KDM5A: variants seen among roughly 807,000 people sequenced by gnomAD.
KDM5A encodes lysine demethylase 5A, also known as lysine-specific demethylase 5A.
Under a neutral mutation model 193.5 loss-of-function variants are expected in KDM5A, and 42 were observed. The ratio of observed to expected loss-of-function variants is 0.22; its 90% CI spans 0.17 to 0.28. KDM5A has a LOEUF of 0.28. Among genes scored for constraint, KDM5A ranks in the 10% least tolerant of loss-of-function variants. KDM5A has a pLI of 1.00. For synonymous variants in KDM5A, 796 were observed against 718.1 expected (o/e 1.11, Z -1.73); for missense variants, 1,692 against 2,055.1 (o/e 0.82, Z 3.42).
At chr12:287,449 T>TA (rs1020766384) in intron 27 of KDM5A, among the ~76,000 whole-genome samples, 1 of 127,318 alleles carries the variant, frequency 7.9e-6, no homozygotes, top group Non-Finnish European at 1.7e-5. Context: ...GTCTGTGCAA[T>TA]AAAAAAACTC....
intron 10 of KDM5A, among the ~76,000 whole-genome samples, chr12:336,711 C>A (rs1255659476): frequency 6.6e-6 from 1 of 151,676 alleles, no homozygotes; most frequent in Non-Finnish European, 1.5e-5. Flanking sequence ...CGTGGTGGTG[C>A]ATGCCTGTGG....
At position 281,865 on chromosome 12, in the gene KDM5A, C is replaced by G. The variant is rs993049256; in HGVS notation, c.*3591G>C. On this transcript the variant is annotated 3_prime_UTR_variant, in exon 28 of 28. Transcript: ENST00000399788. ...CAAGCAAGTAGTTTCTTGGCGTGCA[C>G]GAATTGCATCCAGAACCCAAAAATT... 2.5e-5 allele frequency: 7 copies of G among 275,750 alleles called. No homozygotes were observed. The highest frequency in any genetic ancestry group is 4.3e-5 in the Non-Finnish European group (6 of 140,634). The allele number at this position is 275,750 out of a possible 1,614,324, so 17.1% of individuals were successfully genotyped here.
chr12:324,780 G>A (rs1943762057), intron 14 of KDM5A, among the ~76,000 whole-genome samples: 1 of 152,096 alleles, frequency 6.6e-6, no homozygotes, highest in Admixed American at 6.6e-5. Flanking sequence ...GGCTGAGACA[G>A]GAGAATCACT....
Position 355,182 on chromosome 12 carries a change from C to G in KDM5A, c.846G>C (p.Arg282=), listed in dbSNP as rs1944216676. 6.2e-7 allele frequency: 1 copy of G among 1,610,068 alleles called. No individual in the cohort carries two copies. Among genetic ancestry groups the G allele is most frequent in the Non-Finnish European group, 8.5e-7 (1 of 1,176,280 alleles). The change falls in exon 7 of 28, where the codon CGG becomes CGC. Residue 282 remains arginine (R), a synonymous_variant. Transcript: ENST00000399788. ...SDAFNMQMRQ[R]KGTLSVNFVD... ...CAAAGTTAACAGAGAGAGTGCCTTT[C>G]CGTTGTCTCATTTGCATGTTAAATG...
intron 1 of KDM5A, chr12:387,341 T>C: frequency 3.9e-6 from 1 of 259,208 alleles, no homozygotes; most frequent in East Asian, 1.4e-4. Context: ...GAAAGCATTA[T>C]TTCAGCATTT....
At chr12:364,156 G>A (rs1315834907) in intron 4 of KDM5A, among the ~76,000 whole-genome samples, 1 of 152,134 alleles carries the variant, frequency 6.6e-6, no homozygotes, top group Non-Finnish European at 1.5e-5. Context: ...AGCCATTTTG[G>A]AAAACAACTT....
chr12:334,227 T>G lies in KDM5A; in HGVS notation c.1490+14A>C, dbSNP rs766125244. 6.8e-6 allele frequency: 11 copies of G among 1,611,412 alleles called. No individual in the cohort carries two copies. The South Asian group carries it at 9.9e-5, about 14-fold the overall frequency. On this transcript the variant is annotated intron_variant, in intron 11 of 27. Transcript: ENST00000399788. ...AGTAGAGTTCATGCATGCTGTATTT[T>G]AGACTGTACATACCAGTGCAAGTAG...
chr12:350,270 C>T (rs1209480817), intron 10 of KDM5A, among the ~76,000 whole-genome samples: 2 of 151,884 alleles, frequency 1.3e-5, no homozygotes, highest in Non-Finnish European at 2.9e-5. Flanking sequence ...AACCCTGTCT[C>T]TACAAAAATA....
intron 1 of KDM5A, chr12:387,115 T>A (rs1289849211): frequency 2.0e-5 from 4 of 204,984 alleles, no homozygotes; most frequent in East Asian, 1.6e-4. Context: ...ATTTCCAGAC[T>A]GTGATATAAC....
chr12:315,591 T>G (rs959893150), intron 19 of KDM5A, among the ~76,000 whole-genome samples: 1 of 148,906 alleles, frequency 6.7e-6, no homozygotes, highest in Non-Finnish European at 1.5e-5. Flanking sequence ...AAAGGCAGGG[T>G]GGGGTGAAAA....
chr12:333,256 A>C (rs1455312500), intron 12 of KDM5A: 1 of 546,320 alleles, frequency 1.8e-6, no homozygotes, highest in Non-Finnish European at 3.3e-6. Context: ...TCGTCTCTAC[A>C]AAAAATACAA....
intron 10 of KDM5A, among the ~76,000 whole-genome samples, chr12:336,176 T>C (rs1300842300): frequency 1.3e-5 from 2 of 149,856 alleles, no homozygotes; most frequent in Non-Finnish European, 3.0e-5. Flanking sequence ...CTGGTCAACA[T>C]GGCGGGACCC....
intron 27 of KDM5A, among the ~76,000 whole-genome samples, chr12:287,637 G>A (rs1377616094): frequency 6.6e-6 from 1 of 152,086 alleles, no homozygotes; most frequent in Non-Finnish European, 1.5e-5. Flanking sequence ...GACTGGTAAA[G>A]GGAACTGGAT....
chr12:364,797 C>G (rs201516653), intron 4 of KDM5A, among the ~76,000 whole-genome samples: 1 of 115,000 alleles, frequency 8.7e-6, no homozygotes, highest in Non-Finnish European at 1.9e-5. Context: ...AAAAAAAAAA[C>G]AAACAAACAA....
In KDM5A at chr12:374,935, C is replaced by G. The variant is rs889250825; in HGVS notation, c.367-8831G>C. 3.3e-5 allele frequency among the ~76,000 whole-genome samples: 5 copies of G among 152,084 alleles called. No individual in the cohort carries two copies. In the East Asian group the frequency reaches 9.6e-4, roughly 29 times the overall value. ...CTCTGCTGGCTTGCAGAGTTTCTGC[C>G]GAGAGATCCGCTGTTAGTCTGATGG... On this transcript the variant is annotated intron_variant, in intron 3 of 27. Coordinates refer to ENST00000399788, the MANE Select transcript of KDM5A (RefSeq NM_001042603.3).
chr12:352,103 CAAAAAAAAAAAAA>C lies in KDM5A; in HGVS notation c.1149+89_1149+101del, dbSNP rs58266653. ...TGGGCGACAAAGCAAGACTCCGTCT[CAAAAAAAAAAAAA>C]AAAAAAAAAAAAAAGAGGAAACTGA... On this transcript the variant is annotated intron_variant, in intron 9 of 27. Transcript: ENST00000399788. 1.4e-3 allele frequency: 530 copies of C among 378,784 alleles called. 2 individuals are homozygous for C. The African/African-American group carries it at 0.02, about 14-fold the overall frequency. The allele number at this position is 378,784 out of a possible 1,614,324, so 23.5% of individuals were successfully genotyped here. A position where few individuals can be genotyped will look rare whatever the true frequency, so the allele number is the denominator to read the frequency against.
At chr12:357,524 T>C (rs1457009067) in intron 5 of KDM5A, among the ~76,000 whole-genome samples, 3 of 150,480 alleles carry the variant, frequency 2.0e-5, no homozygotes, top group Admixed American at 6.6e-5. Context: ...GAGGAAAGCA[T>C]CTTAAAGAAT....
chr12:341,380 A>C (rs1756212275), intron 10 of KDM5A, among the ~76,000 whole-genome samples: 1 of 152,208 alleles, frequency 6.6e-6, no homozygotes. Context: ...ATCCTGTTAT[A>C]ATCATTCTCT....
chr12:337,454 TA>T (rs1348054331), intron 10 of KDM5A, among the ~76,000 whole-genome samples: 1 of 152,092 alleles, frequency 6.6e-6, no homozygotes, highest in Non-Finnish European at 1.5e-5. Flanking sequence ...GAGAATATAC[TA>T]GTCTAGCTGG....
Sources: gnomAD v4.1 joint callset for allele counts (sites outside exome capture counted in the v4.1 genomes callset) on GRCh38, gnomAD v4.1.1 for gene constraint, MANE v1.5 for transcripts, NCBI Gene and HGNC (gene_info 2026-07-23, HGNC 2026-07-21) for gene names.